Variants in SIPA1L3 observed in about 807,000 individuals in gnomAD.
The protein encoded by SIPA1L3 is signal induced proliferation associated 1 like 3.
SIPA1L3 carries 59 observed loss-of-function variants against 150.1 expected under a neutral mutation model. That is an observed-to-expected ratio of 0.39 (90% CI 0.32 to 0.49). The LOEUF (loss-of-function observed/expected upper bound fraction) is 0.49, where lower values mean the gene tolerates loss of function less well. Among genes scored for constraint, SIPA1L3 ranks in the 20% least tolerant of loss-of-function variants. The pLI, the probability that SIPA1L3 is intolerant of heterozygous loss-of-function variation, is 0.86. For missense variants in SIPA1L3, 2,211 were observed against 2,489.5 expected (o/e 0.89, Z 2.38); for synonymous variants, 1,070 against 1,077.6 (o/e 0.99, Z 0.14).
At chr19:38,066,178 A>G (rs1030056167) in intron 2 of SIPA1L3, among the ~76,000 whole-genome samples, 8 of 151,114 alleles carry the variant, frequency 5.3e-5, no homozygotes, top group Admixed American at 5.3e-4. Context: ...ACACCTGGCA[A>G]ATTTTAAAAA....
intron 1 of SIPA1L3, among the ~76,000 whole-genome samples, chr19:38,006,805 T>C (rs529599029): frequency 2.6e-5 from 4 of 152,302 alleles, no homozygotes; most frequent in African/African-American, 9.6e-5. Context: ...TCTAGGAAGC[T>C]TCACCTACAC....
intron 12 of SIPA1L3, among the ~76,000 whole-genome samples, chr19:38,143,542 CTTT>C (rs10669806): frequency 7.5e-5 from 6 of 79,978 alleles, no homozygotes; most frequent in African/African-American, 2.3e-4. Flanking sequence ...CTTTCTGTGT[CTTT>C]TTTTTTTTTT....
At position 38,088,831 on chromosome 19, in the gene SIPA1L3, A is replaced by T. The variant is rs187403535; in HGVS notation, c.1645A>T (p.Ile549Phe). ...GCACGGACCTCAGTACCAGTACAGG[A>T]TCATCTTCCGGACCCGCGAGGTAGG... ...KEHGPQYQYR[I>F]IFRTRELITL... The change falls in exon 4 of 22, where the codon ATC becomes TTC. Residue 549 changes from isoleucine (I) to phenylalanine (F), a missense_variant. Ile to Phe is a conservative substitution (Grantham distance 21). Transcript: ENST00000222345. 39 of 1,614,046 alleles carry T rather than the reference A, an allele frequency of 2.4e-5. No individual in the cohort carries two copies. Among genetic ancestry groups the T allele is most frequent in the Non-Finnish European group, 3.3e-5 (39 of 1,179,944 alleles).
intron 12 of SIPA1L3, among the ~76,000 whole-genome samples, chr19:38,150,369 A>G (rs1347940614): frequency 1.3e-5 from 2 of 152,026 alleles, no homozygotes; most frequent in Non-Finnish European, 2.9e-5. Context: ...CTGTAGAGAC[A>G]GTCCTGGCTT....
At chr19:38,181,260 G>C (rs1972548558) in intron 15 of SIPA1L3, among the ~76,000 whole-genome samples, 1 of 152,192 alleles carries the variant, frequency 6.6e-6, no homozygotes, top group African/African-American at 2.4e-5. Context: ...AGATGTGCCA[G>C]TCTTCTCATT....
At chr19:38,192,098 G>T (rs1196710989) in intron 16 of SIPA1L3, 47 bp from the exon 17 acceptor site, 1 of 1,531,260 alleles carries the variant, frequency 6.5e-7, no homozygotes, top group Non-Finnish European at 8.8e-7. Flanking sequence ...TTGAAAAGTG[G>T]CTTGAGCCTC....
chr19:37,925,590 CTTTTTTTTT>C (rs761234489), intron 1 of SIPA1L3, among the ~76,000 whole-genome samples: 4 of 110,790 alleles, frequency 3.6e-5, no homozygotes, highest in African/African-American at 1.3e-4. Flanking sequence ...TGATTTATTA[CTTTTTTTTT>C]TTTTTTTTTT....
intron 10 of SIPA1L3, among the ~76,000 whole-genome samples, chr19:38,133,947 C>T (rs183364271): frequency 6.6e-6 from 1 of 152,090 alleles, no homozygotes; most frequent in Admixed American, 6.5e-5. Flanking sequence ...AGTTCGAGAC[C>T]AGCCTAGGCA....
At chr19:37,938,508 C>T (rs1453272723) in intron 1 of SIPA1L3, among the ~76,000 whole-genome samples, 1 of 152,112 alleles carries the variant, frequency 6.6e-6, no homozygotes, top group Non-Finnish European at 1.5e-5. Context: ...AATGAAATCT[C>T]ATTGTGGTTA....
Position 38,061,788 on chromosome 19 carries a change from G to T in SIPA1L3, c.-310-19468G>T, listed in dbSNP as rs191095289. Among the ~76,000 whole-genome samples the T allele has an allele frequency of 1.4e-4, 21 of 151,326 alleles. No individual in the cohort carries two copies. In the East Asian group the frequency reaches 3.5e-3, roughly 25 times the overall value. On this transcript the variant is annotated intron_variant, in intron 2 of 21. Transcript: ENST00000222345. ...CTGTTGGCTGGTTAACTAGCTGGTT[G>T]GCTGTTTGGGTAATGGATTAGTTAA... is the stretch of plus-strand genomic sequence containing the variant.
intron 1 of SIPA1L3, among the ~76,000 whole-genome samples, chr19:37,918,060 C>T (rs1273747737): frequency 5.3e-5 from 8 of 151,774 alleles, no homozygotes; most frequent in Admixed American, 3.3e-4. Flanking sequence ...ACATTGGTGT[C>T]GGTGTGCTGG....
chr19:38,077,442 C>A (rs769515758), intron 2 of SIPA1L3, among the ~76,000 whole-genome samples: 1 of 151,728 alleles, frequency 6.6e-6, no homozygotes, highest in Non-Finnish European at 1.5e-5. Flanking sequence ...CAGAGAAAGA[C>A]CCTGTCTCTA....
chr19:38,141,402 C>T lies in SIPA1L3; in HGVS notation c.3362C>T (p.Pro1121Leu). The T allele has an allele frequency of 2.5e-6, 4 of 1,612,390 alleles. No individual in the cohort carries two copies. Among genetic ancestry groups the T allele is most frequent in the Non-Finnish European group, 3.4e-6 (4 of 1,179,972 alleles). ...SRPLKQTPIV[P>L]FRESQPLHSK... is the part of the protein sequence containing the mutation. Reference sequence around the variant, plus strand: ...CCCCTGAAGCAGACCCCCATAGTCCCCTTCCGGGAGTCCCAGCCACTGCAC... The same window carrying T: ...CCCCTGAAGCAGACCCCCATAGTCCTCTTCCGGGAGTCCCAGCCACTGCAC... The change falls in exon 11 of 22, where the codon CCC (proline) becomes CTC (leucine). Residue 1121 changes from proline to leucine, a missense_variant. Transcript: ENST00000222345.
intron 8 of SIPA1L3, among the ~76,000 whole-genome samples, chr19:38,116,675 C>T (rs1397836254): frequency 3.3e-5 from 5 of 150,524 alleles, no homozygotes; most frequent in Non-Finnish European, 5.9e-5. Flanking sequence ...TAGTGAAACC[C>T]CATCCCCATC....
intron 2 of SIPA1L3, among the ~76,000 whole-genome samples, chr19:38,052,569 G>A (rs12976954): frequency 1.3e-5 from 2 of 152,216 alleles, no homozygotes; most frequent in Non-Finnish European, 2.9e-5. Flanking sequence ...GTGTTTCAGA[G>A]CAGGCTAGGA....
At chr19:38,087,101 G>A (rs552844141) in intron 3 of SIPA1L3, among the ~76,000 whole-genome samples, 1 of 152,322 alleles carries the variant, frequency 6.6e-6, no homozygotes, top group East Asian at 1.9e-4. Flanking sequence ...TTACAAGGAG[G>A]TGCACAGATG....
intron 4 of SIPA1L3, among the ~76,000 whole-genome samples, chr19:38,092,765 C>A (rs913283816): frequency 6.6e-6 from 1 of 151,962 alleles, no homozygotes; most frequent in Admixed American, 6.6e-5. Context: ...ACGCAGAACA[C>A]CTTAGCAAAT....
chr19:37,939,420 A>AT (rs1491454897), intron 1 of SIPA1L3, among the ~76,000 whole-genome samples: 1 of 144,532 alleles, frequency 6.9e-6, no homozygotes, highest in East Asian at 1.9e-4. Flanking sequence ...AAAAAAAAAA[A>AT]GGATTAGTTT....
In SIPA1L3 at chr19:38,082,429, G is replaced by A. The variant is rs1320752659; in HGVS notation, c.864G>A (p.Ala288=). The A allele has an allele frequency of 3.8e-6, 6 of 1,592,910 alleles. No homozygotes were observed. Among genetic ancestry groups the A allele is most frequent in the Non-Finnish European group, 4.3e-6 (5 of 1,172,746 alleles). The change falls in exon 3 of 22, where the codon GCG becomes GCA. Residue 288 remains alanine (A), a synonymous_variant. Transcript: ENST00000222345. ...KEKEKARKKP[A]RGLGGGDTVD... ...AGGAGAAGGCCCGGAAGAAACCTGC[G>A]CGGGGCCTCGGCGGCGGGGACACGG... is the stretch of plus-strand genomic sequence containing the variant.
Sources: gnomAD v4.1 joint callset for allele counts (sites outside exome capture counted in the v4.1 genomes callset) on GRCh38, gnomAD v4.1.1 for gene constraint, MANE v1.5 for transcripts, NCBI Gene and HGNC (gene_info 2026-07-23, HGNC 2026-07-21) for gene names.